The following VCAN variants were observed in gnomAD, a reference collection of about 807,000 sequenced individuals.
The protein encoded by VCAN is versican, also known as versican core protein.
In VCAN, 44 loss-of-function variants were observed where a neutral mutation model predicts 245.5. That is an observed-to-expected ratio of 0.18 (90% CI 0.14 to 0.23). The LOEUF is 0.23. VCAN is among the 10% of genes least tolerant of loss of function. The pLI, the probability that VCAN is intolerant of heterozygous loss-of-function variation, is 1.00. For missense variants in VCAN, 3,793 were observed against 4,057.9 expected (o/e 0.93, Z 1.77); for synonymous variants, 1,413 against 1,437.0 (o/e 0.98, Z 0.38).
chr5:83,496,926 G>A (rs1351440302), intron 5 of VCAN, among the ~76,000 whole-genome samples: 1 of 152,182 alleles, frequency 6.6e-6, no homozygotes, highest in Non-Finnish European at 1.5e-5. Context: ...GTTGATAAAA[G>A]ATTATTTGAA....
At chr5:83,535,089 G>A (rs1717123652) in intron 7 of VCAN, among the ~76,000 whole-genome samples, 1 of 152,008 alleles carries the variant, frequency 6.6e-6, no homozygotes, top group Non-Finnish European at 1.5e-5. Context: ...AGTAACAATT[G>A]CAACATCTGT....
At chr5:83,524,394 C>T (rs767225612) in intron 7 of VCAN, among the ~76,000 whole-genome samples, 8 of 152,056 alleles carry the variant, frequency 5.3e-5, no homozygotes, top group Non-Finnish European at 8.8e-5. Flanking sequence ...AATATTAGGT[C>T]AGAAAACCGT....
At position 83,471,994 on chromosome 5, in the gene VCAN, C is replaced by T; in HGVS notation, c.-36C>T. The T allele has an allele frequency of 2.6e-6, 1 of 383,816 alleles. No homozygotes were observed. Among genetic ancestry groups the T allele is most frequent in the East Asian group, 3.7e-5 (1 of 26,968 alleles). The allele number at this position is 383,816 out of a possible 1,614,324, so 23.8% of individuals were successfully genotyped here. A position where few individuals can be genotyped will look rare whatever the true frequency, so the allele number is the denominator to read the frequency against. On this transcript the variant is annotated 5_prime_UTR_variant, in exon 1 of 15. Transcript: ENST00000265077. ...TCGCGCAGCGCTGCAGTGAATTTTC[C>T]CCCCAAACTGCAATAAGCCGCCTTC...
At chr5:83,555,364 G>A (rs958926968) in intron 12 of VCAN, among the ~76,000 whole-genome samples, 2 of 152,118 alleles carry the variant, frequency 1.3e-5, no homozygotes, top group African/African-American at 4.8e-5. Context: ...AAAAAGAGAA[G>A]AATAAAATGT....
intron 5 of VCAN, among the ~76,000 whole-genome samples, chr5:83,498,838 CA>C (rs1745246269): frequency 6.6e-6 from 1 of 152,176 alleles, no homozygotes; most frequent in Non-Finnish European, 1.5e-5. Flanking sequence ...TTACTACCAT[CA>C]AAACAGTTAA....
At chr5:83,500,076 A>G (rs1745283983) in intron 5 of VCAN, among the ~76,000 whole-genome samples, 1 of 152,184 alleles carries the variant, frequency 6.6e-6, no homozygotes, top group Non-Finnish European at 1.5e-5. Flanking sequence ...AATTTTAATG[A>G]GATTTACAGT....
At chr5:83,566,024 C>T (rs1430716322) in intron 12 of VCAN, among the ~76,000 whole-genome samples, 2 of 140,254 alleles carry the variant, frequency 1.4e-5, no homozygotes, top group Admixed American at 1.4e-4. Context: ...AGTGCAATGG[C>T]GTGATCTTTG....
At chr5:83,509,065 A>AGAGAAAGAAAGAAAG (rs199699430) in intron 5 of VCAN, among the ~76,000 whole-genome samples, 4 of 84,558 alleles carry the variant, frequency 4.7e-5, no homozygotes, top group African/African-American at 1.8e-4. Context: ...AAAGAAAGAA[A>AGAGAAAGAAAGAAAG]AGAAAGAAAG....
In VCAN at chr5:83,538,862, G is replaced by T. The variant is rs80028865; in HGVS notation, c.5859G>T (p.Thr1953=). The T allele has an allele frequency of 1.1e-4, 185 of 1,613,924 alleles. No individual in the cohort carries two copies. The East Asian group carries it at 3.3e-3, about 29-fold the overall frequency. Residue 1953 remains threonine (T), a synonymous_variant, in exon 8 of 15, where the codon ACG becomes ACT. Coordinates refer to ENST00000265077, the MANE Select transcript of VCAN (RefSeq NM_004385.5). ...TVSHPIAKEE[T]VMMEGSGDAA... is the part of the protein sequence containing the mutation. ...CTCATCCCATAGCAAAAGAAGAAACGGTAATGATGGAAGGCTCTGGAGATG... is the reference window on the plus strand; with the variant it reads ...CTCATCCCATAGCAAAAGAAGAAACTGTAATGATGGAAGGCTCTGGAGATG...
chr5:83,496,111 G>T (rs1487839792), intron 5 of VCAN, among the ~76,000 whole-genome samples: 1 of 152,160 alleles, frequency 6.6e-6, no homozygotes, highest in Non-Finnish European at 1.5e-5. Flanking sequence ...TCCTTCCAGG[G>T]ATTTCCTAGC....
At chr5:83,577,858 T>C (rs12657039) in intron 13 of VCAN, among the ~76,000 whole-genome samples, 5,486 of 152,266 alleles carry the variant, frequency 0.036, 263 homozygotes, top group African/African-American at 0.11. Flanking sequence ...CTTTCTGGTC[T>C]ATTTTCCTGT....
Position 83,521,981 on chromosome 5 carries a change from A to G in VCAN, c.3675A>G (p.Pro1225=), listed in dbSNP as rs189693888. 5 of 1,614,216 alleles carry G rather than the reference A, an allele frequency of 3.1e-6. No homozygotes were observed. The highest frequency in any genetic ancestry group is 2.7e-5 in the African/African-American group (2 of 75,054). ...TTCACACAACTTCAGCATTCAAGCC[A>G]TCTTCCGCGATCACTAAGAAACCAC... ...DRLHTTSAFK[P]SSAITKKPPL... The change falls in exon 7 of 15, where the codon CCA becomes CCG. Residue 1225 remains proline, a synonymous_variant. Coordinates refer to ENST00000265077, the MANE Select transcript of VCAN (RefSeq NM_004385.5).
chr5:83,474,527 C>G (rs931682163), intron 1 of VCAN, among the ~76,000 whole-genome samples: 3 of 152,248 alleles, frequency 2.0e-5, no homozygotes, highest in African/African-American at 7.2e-5. Flanking sequence ...CACTCGCTCA[C>G]CTCGCGCCAA....
intron 8 of VCAN, among the ~76,000 whole-genome samples, chr5:83,544,475 T>C (rs1419623492): frequency 6.6e-6 from 1 of 152,220 alleles, no homozygotes. Context: ...TTCTTTAAGC[T>C]AATGTTTCAT....
chr5:83,561,132 A>G (rs1330664544), intron 12 of VCAN, among the ~76,000 whole-genome samples: 1 of 152,044 alleles, frequency 6.6e-6, no homozygotes, highest in African/African-American at 2.4e-5. Flanking sequence ...CATTGTCAGG[A>G]CTCAAATGTC....
In VCAN at chr5:83,575,521, A is replaced by G. The variant is rs77375145; in HGVS notation, c.9880+2961A>G. 6.8e-3 allele frequency among the ~76,000 whole-genome samples: 1,036 copies of G among 152,198 alleles called. 6 individuals carry two copies. The highest frequency in any genetic ancestry group is 0.01 in the Non-Finnish European group (703 of 67,988). On this transcript the variant is annotated intron_variant, in intron 13 of 14. Transcript: ENST00000265077. ...CATTTTATGATTTAAACATTCTTAC[A>G]TTTCCTATTTTATTTTCTCCTATAG... is the stretch of plus-strand genomic sequence containing the variant.
chr5:83,543,446 C>A (rs1747081613), intron 8 of VCAN, among the ~76,000 whole-genome samples: 1 of 152,124 alleles, frequency 6.6e-6, no homozygotes, highest in Admixed American at 6.6e-5. Context: ...CTGATCATAT[C>A]AATATTACCT....
intron 12 of VCAN, among the ~76,000 whole-genome samples, chr5:83,568,538 G>A (rs1391025043): frequency 6.6e-6 from 1 of 152,156 alleles, no homozygotes; most frequent in East Asian, 1.9e-4. Flanking sequence ...CACTTTAGTG[G>A]CATGGAGTCC....
chr5:83,537,372 G>A lies in VCAN; in HGVS notation c.4369G>A (p.Ala1457Thr). 6.2e-7 allele frequency: 1 copy of A among 1,613,942 alleles called. No homozygotes were observed. Among genetic ancestry groups the A allele is most frequent in the Non-Finnish European group, 8.5e-7 (1 of 1,179,946 alleles). ...AAGTGATACTCATCCATTTGTAATA[G>A]CCAAAACGGAATTGTCTACTGCTGT... ...SESDTHPFVI[A>T]KTELSTAVQP... Residue 1457 changes from alanine to threonine, a missense_variant, in exon 8 of 15, where the codon GCC becomes ACC. This residue lies in a region of VCAN where 3,182 missense variants were observed against 3,250.3 expected (regional missense o/e 0.98). Transcript: ENST00000265077.
Sources: gnomAD v4.1 joint callset for allele counts (sites outside exome capture counted in the v4.1 genomes callset) on GRCh38, gnomAD v4.1.1 for gene constraint, gnomAD v4.1.1 regional missense constraint, MANE v1.5 for transcripts, NCBI Gene and HGNC (gene_info 2026-07-23, HGNC 2026-07-21) for gene names.